The following DCP1B variants were observed in gnomAD, a reference collection of about 807,000 sequenced individuals.
DCP1B encodes decapping mRNA 1B, also known as mRNA-decapping enzyme 1B.
DCP1B carries 47 observed loss-of-function variants against 60.5 expected under a neutral mutation model. The observed-to-expected ratio is 0.78, with a 90% confidence interval of 0.61 to 0.99. The LOEUF (loss-of-function observed/expected upper bound fraction) is 0.99, where lower values mean the gene tolerates loss of function less well. DCP1B is among the 50% of genes least tolerant of loss of function. The probability of loss-of-function intolerance (pLI) is 0.00; values close to 1 mark genes in which losing one functional copy is unlikely to be tolerated. For synonymous variants in DCP1B, 267 were observed against 280.3 expected, an observed-to-expected ratio of 0.95 and a Z score of 0.47; for missense variants, 725 against 756.8, an observed-to-expected ratio of 0.96 and a Z score of 0.49.
chr12:1,989,808 T>A (rs2038889526), intron 3 of DCP1B, among the ~76,000 whole-genome samples: 1 of 152,258 alleles, frequency 6.6e-6, no homozygotes, highest in Non-Finnish European at 1.5e-5. Context: ...TATGCTAATA[T>A]CTTATTTAGT....
intron 3 of DCP1B, among the ~76,000 whole-genome samples, chr12:1,968,913 G>A (rs910067796): frequency 6.6e-6 from 1 of 152,120 alleles, no homozygotes; most frequent in African/African-American, 2.4e-5. Flanking sequence ...GTATACTTTA[G>A]TATGTGCCTA....
intron 1 of DCP1B, among the ~76,000 whole-genome samples, chr12:2,000,056 C>T (rs74059693): frequency 6.6e-6 from 1 of 152,152 alleles, no homozygotes; most frequent in Non-Finnish European, 1.5e-5. Context: ...TACACCCAAA[C>T]CACCAAAGTA....
At chr12:1,986,334 G>A (rs557399521) in intron 3 of DCP1B, among the ~76,000 whole-genome samples, 7 of 152,250 alleles carry the variant, frequency 4.6e-5, no homozygotes, top group South Asian at 2.1e-4. Flanking sequence ...GCTCCCACTC[G>A]CCAGCTGTCA....
intron 3 of DCP1B, among the ~76,000 whole-genome samples, chr12:1,969,545 C>CTTTTTT (rs780218221): frequency 7.7e-6 from 1 of 130,168 alleles, no homozygotes. Flanking sequence ...GGTACACTGA[C>CTTTTTT]TTTTTTTTTT....
chr12:1,985,495 T>C (rs1195094318), intron 3 of DCP1B, among the ~76,000 whole-genome samples: 1 of 152,216 alleles, frequency 6.6e-6, no homozygotes, highest in Non-Finnish European at 1.5e-5. Flanking sequence ...ATCTTTCCAT[T>C]CTTTTCAAGA....
At chr12:1,958,391 C>T (rs554883294) in intron 5 of DCP1B, among the ~76,000 whole-genome samples, 6 of 137,424 alleles carry the variant, frequency 4.4e-5, no homozygotes, top group East Asian at 2.3e-4. Flanking sequence ...AGCTCCCTAA[C>T]GTCGCTCTGG....
chr12:1,953,019 C>A lies in DCP1B; in HGVS notation c.921G>T (p.Leu307Phe). The stretch of plus-strand genomic sequence containing the variant: ...AAGGCCGGTTTTCAGGCAGCTCTGA[C>A]AATGGGTGGAGGTCTGCGCTCCTGA... ...LMVRSADLHP[L>F]SELPENRPCE... is the part of the protein sequence containing the mutation. The change falls in exon 7 of 9, where the codon TTG becomes TTT. Residue 307 changes from leucine to phenylalanine, a missense_variant. Coordinates refer to ENST00000280665, the MANE Select transcript of DCP1B (RefSeq NM_152640.5). 6.2e-7 allele frequency: 1 copy of A among 1,614,196 alleles called. No homozygotes were observed. Among genetic ancestry groups the A allele is most frequent in the South Asian group, 1.1e-5 (1 of 91,090 alleles).
chr12:1,947,448 T>A (rs960314858), intron 8 of DCP1B, among the ~76,000 whole-genome samples: 3 of 152,156 alleles, frequency 2.0e-5, no homozygotes, highest in African/African-American at 7.2e-5. Context: ...AAAAACAGAC[T>A]GCTTGAGTGA....
intron 1 of DCP1B, among the ~76,000 whole-genome samples, chr12:2,003,287 T>A (rs1565892134): frequency 2.0e-5 from 3 of 152,234 alleles, no homozygotes; most frequent in Non-Finnish European, 4.4e-5. Context: ...TTTTCCTAGA[T>A]TAAGTTTTGA....
At chr12:1,953,710 A>G (rs1440298397) in intron 6 of DCP1B, among the ~76,000 whole-genome samples, 1 of 152,256 alleles carries the variant, frequency 6.6e-6, no homozygotes, top group Non-Finnish European at 1.5e-5. Flanking sequence ...TTTTCACAGA[A>G]TTATGGAAAT....
chr12:1,965,913 G>A (rs1267099837), intron 4 of DCP1B, among the ~76,000 whole-genome samples: 1 of 152,192 alleles, frequency 6.6e-6, no homozygotes, highest in African/African-American at 2.4e-5. Context: ...TGTGGGCCAA[G>A]TCCAGCCCAC....
intron 3 of DCP1B, among the ~76,000 whole-genome samples, chr12:1,974,853 G>T (rs902570197): frequency 1.3e-5 from 2 of 152,134 alleles, no homozygotes; most frequent in African/African-American, 4.8e-5. Context: ...CGCAGTTTTT[G>T]AGAAAGCTAT....
intron 6 of DCP1B, 84 bp downstream of exon 6, chr12:1,955,348 G>C: frequency 1.4e-6 from 2 of 1,444,968 alleles, no homozygotes; most frequent in Non-Finnish European, 1.8e-6. Context: ...AACAACACCA[G>C]GCCCTCCCCT....
chr12:1,992,130 G>T, intron 3 of DCP1B: 1 of 262,352 alleles, frequency 3.8e-6, no homozygotes, highest in South Asian at 4.3e-5. Flanking sequence ...TGTACCTTTC[G>T]GCAAAGAAAC....
Position 2,004,328 on chromosome 12 carries a change from G to A in DCP1B, c.104C>T (p.Ala35Val). The change falls in exon 1 of 9, where the codon GCC becomes GTC. Residue 35 changes from alanine to valine, a missense_variant. Coordinates refer to ENST00000280665, the MANE Select transcript of DCP1B (RefSeq NM_152640.5). ...GAAGGTGTACAGAGCCACCTGGCTGGCCACGTCCACGATGCGGTTGATATA... is the reference window on the plus strand; with the variant it reads ...GAAGGTGTACAGAGCCACCTGGCTGACCACGTCCACGATGCGGTTGATATA... The part of the protein sequence containing the change: ...DPYINRIVDV[A>V]SQVALYTFGH... 1.2e-6 allele frequency: 2 copies of A among 1,613,360 alleles called. No homozygotes were observed.
intron 3 of DCP1B, among the ~76,000 whole-genome samples, chr12:1,988,833 C>A (rs1016778907): frequency 1.3e-5 from 2 of 152,144 alleles, no homozygotes; most frequent in African/African-American, 4.8e-5. Flanking sequence ...TTTCCCAGAT[C>A]CTATGAATGT....
At chr12:1,960,411 C>G (rs1353404890) in intron 5 of DCP1B, among the ~76,000 whole-genome samples, 1 of 152,078 alleles carries the variant, frequency 6.6e-6, no homozygotes, top group Non-Finnish European at 1.5e-5. Flanking sequence ...AGATGTTGGT[C>G]AAAGGATACA....
chr12:1,953,033 C>G lies in DCP1B; in HGVS notation c.907G>C (p.Asp303His). The G allele has an allele frequency of 6.2e-7, 1 of 1,614,202 alleles. No individual in the cohort carries two copies. The highest frequency in any genetic ancestry group is 1.1e-5 in the South Asian group (1 of 91,084). The change falls in exon 7 of 9, where the codon GAC (aspartate) becomes CAC (histidine). Residue 303 changes from aspartate (D) to histidine (H), a missense_variant. By Grantham distance (81) the Asp-to-His change is moderately conservative. Transcript: ENST00000280665. ...GGCAGCTCTGACAATGGGTGGAGGT[C>G]TGCGCTCCTGACCATGAGTTTCTGA... Reference protein sequence around the residue: ...AIQKLMVRSADLHPLSELPEN... With the variant: ...AIQKLMVRSAHLHPLSELPEN...
chr12:1,986,804 T>C (rs2037919882), intron 3 of DCP1B, among the ~76,000 whole-genome samples: 1 of 152,246 alleles, frequency 6.6e-6, no homozygotes, highest in Admixed American at 6.5e-5. Flanking sequence ...TCAGTGTGTC[T>C]GTTGTCATTT....
Sources: gnomAD v4.1 joint callset for allele counts (sites outside exome capture counted in the v4.1 genomes callset) on GRCh38, gnomAD v4.1.1 for gene constraint, MANE v1.5 for transcripts, NCBI Gene and HGNC (gene_info 2026-07-23, HGNC 2026-07-21) for gene names.